Variants in ATP2C1 observed in about 807,000 individuals in gnomAD.
ATP2C1 encodes calcium-transporting ATPase type 2C member 1.
Under a neutral mutation model 120.5 loss-of-function variants are expected in ATP2C1, and 31 were observed. The observed-to-expected ratio is 0.26, with a 90% CI of 0.19 to 0.35. ATP2C1 has a LOEUF of 0.35. Among genes scored for constraint, ATP2C1 ranks in the 10% least tolerant of loss-of-function variants. The pLI is 1.00. For synonymous variants in ATP2C1, 351 were observed against 358.7 expected, an observed-to-expected ratio of 0.98 and a Z score of 0.24; for missense variants, 731 against 1,107.5, an observed-to-expected ratio of 0.66 and a Z score of 4.83.
intron 1 of ATP2C1, among the ~76,000 whole-genome samples, chr3:130,883,945 C>CTTTTTTTTTTTTTTTTTTTTTTTTT (rs35365168): frequency 4.1e-5 from 5 of 122,438 alleles, no homozygotes; most frequent in Non-Finnish European, 3.3e-5. Context: ...TTCTTTTCTT[C>CTTTTTTTTTTTTTTTTTTTTTTTTT]TTTTTTTTTT....
chr3:130,858,672 G>A (rs1406757705), intron 1 of ATP2C1, among the ~76,000 whole-genome samples: 4 of 152,168 alleles, frequency 2.6e-5, no homozygotes, highest in African/African-American at 9.7e-5. Flanking sequence ...GGGGAGTAGG[G>A]GTGCAATGAA....
At chr3:130,984,904 G>A (rs1246942016) in intron 20 of ATP2C1, among the ~76,000 whole-genome samples, 1 of 149,146 alleles carries the variant, frequency 6.7e-6, no homozygotes, top group Non-Finnish European at 1.5e-5. Context: ...AAACACTCAG[G>A]CATATTATAT....
chr3:130,870,578 T>C (rs1258599448), intron 1 of ATP2C1, among the ~76,000 whole-genome samples: 1 of 152,162 alleles, frequency 6.6e-6, no homozygotes, highest in African/African-American at 2.4e-5. Context: ...AGTACAGATG[T>C]GGTAGAAAGG....
At position 131,002,158 on chromosome 3, in the gene ATP2C1, TA is replaced by T. The variant is rs1390646114; in HGVS notation, c.*811del. On this transcript the variant is annotated 3_prime_UTR_variant, in exon 28 of 28. Coordinates refer to ENST00000510168, the MANE Select transcript of ATP2C1 (RefSeq NM_001378687.1). ...AGACTGATTGGGTTGAAGTTTATAA[TA>T]AATTATATTAACATGTCTTCCTTTT... The T allele has an allele frequency of 1.0e-6, 1 of 978,624 alleles. No homozygotes were observed. The highest frequency in any genetic ancestry group is 1.2e-6 in the Non-Finnish European group (1 of 823,880). The allele number at this position is 978,624 out of a possible 1,614,324, so 60.6% of individuals were successfully genotyped here. A position where few individuals can be genotyped will look rare whatever the true frequency, so the allele number is the denominator to read the frequency against.
chr3:130,956,305 T>C lies in ATP2C1; in HGVS notation c.832+126T>C. The C allele has an allele frequency of 5.5e-6, 3 of 542,736 alleles. No individual in the cohort carries two copies. The South Asian group carries it at 6.5e-5, about 12-fold the overall frequency. The allele number at this position is 542,736 out of a possible 1,614,324, so 33.6% of individuals were successfully genotyped here. Reference sequence around the variant, plus strand: ...TTATTAAGTTTAATACTTTTTAAAATTATAAGACTACTAGTAGCCATTGTT... The same window carrying C: ...TTATTAAGTTTAATACTTTTTAAAACTATAAGACTACTAGTAGCCATTGTT... On this transcript the variant is annotated intron_variant, in intron 11 of 27. Coordinates refer to ENST00000510168, the MANE Select transcript of ATP2C1 (RefSeq NM_001378687.1).
At chr3:130,860,839 A>G (rs1252839089) in intron 1 of ATP2C1, among the ~76,000 whole-genome samples, 1 of 152,238 alleles carries the variant, frequency 6.6e-6, no homozygotes, top group Non-Finnish European at 1.5e-5. Flanking sequence ...AAATAAAACC[A>G]TCATAACTAT....
At chr3:130,994,299 C>T (rs2062496911) in intron 22 of ATP2C1, among the ~76,000 whole-genome samples, 2 of 152,076 alleles carry the variant, frequency 1.3e-5, no homozygotes, top group East Asian at 3.9e-4. Flanking sequence ...ATGGCAGGAC[C>T]CTCATTTAAG....
At chr3:130,958,752 T>C (rs2060689745) in intron 11 of ATP2C1, among the ~76,000 whole-genome samples, 1 of 152,146 alleles carries the variant, frequency 6.6e-6, no homozygotes, top group Admixed American at 6.6e-5. Flanking sequence ...GTTAATGCAG[T>C]TGTAGGTGCT....
chr3:130,937,396 G>C, intron 5 of ATP2C1, 32 bp from the exon 6 acceptor site: 1 of 1,599,550 alleles, frequency 6.3e-7, no homozygotes, highest in Non-Finnish European at 8.6e-7. Flanking sequence ...TCAAGTTAAT[G>C]TCTGATTTAA....
At chr3:130,951,633 A>G (rs540278490) in intron 8 of ATP2C1, among the ~76,000 whole-genome samples, 9 of 152,302 alleles carry the variant, frequency 5.9e-5, no homozygotes, top group African/African-American at 2.2e-4. Flanking sequence ...TTTCTTTAAT[A>G]AAGAAAAATT....
chr3:131,004,216 T>TTGAAAATC (rs2108986341), downstream of ATP2C1, among the ~76,000 whole-genome samples: 1 of 152,340 alleles, frequency 6.6e-6, no homozygotes, highest in Non-Finnish European at 1.5e-5. Flanking sequence ...ACATTGGCAT[T>TTGAAAATC]TGAAAATCTT....
chr3:130,907,458 A>G (rs1341872022), intron 2 of ATP2C1, among the ~76,000 whole-genome samples: 7 of 152,098 alleles, frequency 4.6e-5, no homozygotes, highest in Non-Finnish European at 1.0e-4. Flanking sequence ...ATGATGTGAC[A>G]TAAGGGCCCA....
intron 1 of ATP2C1, among the ~76,000 whole-genome samples, chr3:130,886,763 C>CT (rs1003390449): frequency 3.2e-4 from 48 of 152,036 alleles, no homozygotes; most frequent in Non-Finnish European, 1.2e-4. Flanking sequence ...TCTTGAATTT[C>CT]TTTGAGTTTT....
intron 11 of ATP2C1, among the ~76,000 whole-genome samples, chr3:130,958,596 C>T (rs1025267583): frequency 6.6e-6 from 1 of 152,100 alleles, no homozygotes; most frequent in Non-Finnish European, 1.5e-5. Context: ...TCAAACCTCT[C>T]GTGAATCTGT....
In ATP2C1 at chr3:130,940,628, A is replaced by ATC; in HGVS notation, c.361-2_361-1insTC. 1 of 1,600,556 alleles carries ATC rather than the reference A, an allele frequency of 6.2e-7. No individual in the cohort carries two copies. Among genetic ancestry groups the ATC allele is most frequent in the Non-Finnish European group, 8.6e-7 (1 of 1,168,008 alleles). On this transcript the variant is annotated splice_acceptor_variant, in intron 6 of 27. Transcript: ENST00000510168. LOFTEE classifies it high-confidence loss of function. ...AAATTCTACTTTTTTTTGTTTGAATAGGAATATCGTTCAGAAAAATCTCTT... is the reference window on the plus strand; with the variant it reads ...AAATTCTACTTTTTTTTGTTTGAATATCGGAATATCGTTCAGAAAAATCTCTT...
Position 130,857,837 on chromosome 3 carries a change from C to T in ATP2C1, c.108+6909C>T, listed in dbSNP as rs574765216. On this transcript the variant is annotated intron_variant, in intron 1 of 26. Transcript: ENST00000504381. ...GGAGAATTGACTCACATGAGTCACA[C>T]GATCACAAGGTGAAATCCCACAATA... Among the ~76,000 whole-genome samples, 37 of 152,228 alleles carry T rather than the reference C, an allele frequency of 2.4e-4. 1 individual carries two copies. The South Asian group carries it at 6.2e-3, about 26-fold the overall frequency.
At chr3:130,997,303 C>T (rs772913182) in intron 24 of ATP2C1, among the ~76,000 whole-genome samples, 6 of 152,012 alleles carry the variant, frequency 3.9e-5, no homozygotes, top group Non-Finnish European at 8.8e-5. Context: ...AAAATTCAGT[C>T]GGTAGGTCAT....
chr3:130,994,802 T>C (rs2062526998), intron 22 of ATP2C1, among the ~76,000 whole-genome samples: 1 of 152,146 alleles, frequency 6.6e-6, no homozygotes, highest in African/African-American at 2.4e-5. Context: ...TTGCCAAGCT[T>C]TTGCAAGGAT....
At position 130,959,323 on chromosome 3, in the gene ATP2C1, T is replaced by C; in HGVS notation, c.881T>C (p.Met294Thr). The stretch of plus-strand genomic sequence containing the variant: ...TTACTGGGAAAAGATATCCTGGAAA[T>C]GTTTACTATTAGTGTAAGGTAAGTC... ...GWLLGKDILEMFTISVSLAVA... is the reference protein window; with the variant it reads ...GWLLGKDILETFTISVSLAVA... The change falls in exon 12 of 28, where the codon ATG (methionine) becomes ACG (threonine). Residue 294 changes from methionine (M) to threonine (T), a missense_variant. Met to Thr is a moderately conservative substitution (Grantham distance 81). This residue lies in a region of ATP2C1 where 571 missense variants were observed against 845.9 expected (regional missense o/e 0.67). Transcript: ENST00000510168. 1 of 1,607,694 alleles carries C rather than the reference T, an allele frequency of 6.2e-7. No homozygotes were observed. The highest frequency in any genetic ancestry group is 8.5e-7 in the Non-Finnish European group (1 of 1,174,754).
Sources: gnomAD v4.1 joint callset for allele counts (sites outside exome capture counted in the v4.1 genomes callset) on GRCh38, gnomAD v4.1.1 for gene constraint, gnomAD v4.1.1 regional missense constraint, MANE v1.5 for transcripts, NCBI Gene and HGNC (gene_info 2026-07-23, HGNC 2026-07-21) for gene names.